The following SCHIP1 variants were observed in gnomAD, a reference collection of about 807,000 sequenced individuals.
The protein encoded by SCHIP1 is schwannomin interacting protein 1, also known as schwannomin-interacting protein 1.
In SCHIP1, 8 loss-of-function variants were observed where a neutral mutation model predicts 29.7. The observed-to-expected ratio is 0.27, with a 90% confidence interval of 0.16 to 0.49. The LOEUF (loss-of-function observed/expected upper bound fraction) is 0.49. SCHIP1 is among the 20% of genes least tolerant of loss of function. SCHIP1 has a pLI of 0.99. For missense variants in SCHIP1, 193 were observed against 294.6 expected, an observed-to-expected ratio of 0.66 and a Z score of 2.52; for synonymous variants, 76 against 94.9, an observed-to-expected ratio of 0.80 and a Z score of 1.16.
the SCHIP1 span, among the ~76,000 whole-genome samples, chr3:159,735,161 A>AT: frequency 6.6e-6 from 1 of 152,100 alleles, no homozygotes; most frequent in South Asian, 2.1e-4. Context: ...CTTAAAAAGC[A>AT]TTTTTAAAGG....
the SCHIP1 span, among the ~76,000 whole-genome samples, chr3:159,798,315 A>G: frequency 6.6e-6 from 1 of 152,222 alleles, no homozygotes; most frequent in Non-Finnish European, 1.5e-5. Context: ...TAATTTTGAC[A>G]TCTGTAAAAT....
At chr3:159,683,112 T>C in the SCHIP1 span, among the ~76,000 whole-genome samples, 4 of 152,136 alleles carry the variant, frequency 2.6e-5, no homozygotes, top group South Asian at 2.1e-4. Context: ...CTTGCTCTGT[T>C]GCCCAGGCTG....
chr3:159,740,777 A>AAAAAAAAAAAAAAAAAAAC, the SCHIP1 span, among the ~76,000 whole-genome samples: 1 of 149,156 alleles, frequency 6.7e-6, no homozygotes. Flanking sequence ...AAAAGAAAAA[A>AAAAAAAAAAAAAAAAAAAC]AAAAAAAAAA....
At chr3:159,402,860 A>G in the SCHIP1 span, among the ~76,000 whole-genome samples, 1 of 152,100 alleles carries the variant, frequency 6.6e-6, no homozygotes, top group Non-Finnish European at 1.5e-5. Flanking sequence ...GCAGCACACC[A>G]GCATGGCACA....
At chr3:159,682,891 C>A in the SCHIP1 span, among the ~76,000 whole-genome samples, 1 of 152,044 alleles carries the variant, frequency 6.6e-6, no homozygotes, top group South Asian at 2.1e-4. Context: ...TTAACCGTGA[C>A]CTTGATAAGA....
the SCHIP1 span, among the ~76,000 whole-genome samples, chr3:159,394,049 C>G: frequency 1.3e-5 from 2 of 151,702 alleles, no homozygotes; most frequent in African/African-American, 2.4e-5. Flanking sequence ...AAGTTGGATT[C>G]CTAGGTATTT....
At chr3:159,780,730 G>C in the SCHIP1 span, among the ~76,000 whole-genome samples, 4 of 152,194 alleles carry the variant, frequency 2.6e-5, no homozygotes, top group Admixed American at 2.0e-4. Context: ...TCCACTTAAT[G>C]GGATGGGATG....
chr3:159,721,803 T>C, the SCHIP1 span: 4 of 429,294 alleles, frequency 9.3e-6, no homozygotes, highest in Non-Finnish European at 1.8e-5. Context: ...GGCTTTGGCA[T>C]CCTCCATGGA....
At chr3:159,622,976 C>T in the SCHIP1 span, among the ~76,000 whole-genome samples, 1 of 152,074 alleles carries the variant, frequency 6.6e-6, no homozygotes. Context: ...GATAGGTGTG[C>T]ATACACAAAT....
chr3:159,674,338 T>C, the SCHIP1 span, among the ~76,000 whole-genome samples: 170 of 152,112 alleles, frequency 1.1e-3, 2 homozygotes, highest in African/African-American at 4.0e-3. Context: ...CCAGCACTGG[T>C]TGAAGAGGGC....
At chr3:159,691,105 G>T in the SCHIP1 span, among the ~76,000 whole-genome samples, 1 of 152,132 alleles carries the variant, frequency 6.6e-6, no homozygotes, top group East Asian at 1.9e-4. Flanking sequence ...ATGTCTATTA[G>T]TTCTGCTTGG....
At chr3:159,500,725 AG>A in the SCHIP1 span, among the ~76,000 whole-genome samples, 1 of 151,828 alleles carries the variant, frequency 6.6e-6, no homozygotes, top group South Asian at 2.1e-4. Context: ...AAAAAAAAAA[AG>A]AAAAAAGAGA....
the SCHIP1 span, among the ~76,000 whole-genome samples, chr3:159,345,118 C>T: frequency 1.0e-4 from 15 of 150,734 alleles, no homozygotes; most frequent in South Asian, 4.2e-4. Context: ...ATCCCAGCTA[C>T]TGGGGAGGCT....
chr3:159,620,816 G>A, the SCHIP1 span, among the ~76,000 whole-genome samples: 1 of 152,324 alleles, frequency 6.6e-6, no homozygotes, highest in South Asian at 2.1e-4. Context: ...GGAGGATCAT[G>A]AGCAAAGCCT....
At chr3:159,718,421 A>G in the SCHIP1 span, among the ~76,000 whole-genome samples, 1 of 152,236 alleles carries the variant, frequency 6.6e-6, no homozygotes, top group Admixed American at 6.5e-5. Context: ...GTATTCAGTT[A>G]GGAAAAGAGG....
the SCHIP1 span, chr3:159,387,384 T>A: frequency 2.7e-6 from 1 of 373,484 alleles, no homozygotes; most frequent in Non-Finnish European, 5.3e-6. Context: ...GATCTTCATG[T>A]CCTTGACCAG....
At chr3:159,682,936 A>G in the SCHIP1 span, among the ~76,000 whole-genome samples, 19 of 152,294 alleles carry the variant, frequency 1.2e-4, 1 homozygote, top group South Asian at 3.9e-3. Flanking sequence ...CTATAAGAGT[A>G]TTTCTCTAAG....
the SCHIP1 span, among the ~76,000 whole-genome samples, chr3:159,427,292 T>C: frequency 6.6e-6 from 1 of 151,774 alleles, no homozygotes; most frequent in East Asian, 2.0e-4. Context: ...ATTGTATATA[T>C]AGAAAACCCC....
At chr3:159,445,965 A>G in the SCHIP1 span, among the ~76,000 whole-genome samples, 1 of 151,860 alleles carries the variant, frequency 6.6e-6, no homozygotes, top group Non-Finnish European at 1.5e-5. Context: ...AGCATGGCAC[A>G]TGTATACGTA....
Sources: allele counts gnomAD v4.1 joint callset (sites outside exome capture counted in the v4.1 genomes callset), GRCh38; gene constraint gnomAD v4.1.1; transcripts MANE v1.5; gene names NCBI Gene and HGNC (gene_info 2026-07-23, HGNC 2026-07-21).